Variants in TRIQK observed in about 807,000 individuals in gnomAD.
The protein encoded by TRIQK is triple QxxK/R motif-containing protein.
Under a neutral mutation model 10.8 loss-of-function variants are expected in TRIQK, and 10 were observed. The observed-to-expected ratio is 0.92, with a 90% confidence interval of 0.57 to 1.57. TRIQK has a LOEUF of 1.57. TRIQK is among the 40% of genes most tolerant of loss of function. The probability of loss-of-function intolerance (pLI) is 0.00; values close to 1 mark genes in which losing one functional copy is unlikely to be tolerated. For synonymous variants in TRIQK, 33 were observed against 33.7 expected (o/e 0.98, Z 0.07); for missense variants, 107 against 97.7 (o/e 1.09, Z -0.40).
chr8:93,000,599 C>T (rs898969604), intron 1 of TRIQK, among the ~76,000 whole-genome samples: 1 of 151,836 alleles, frequency 6.6e-6, no homozygotes, highest in Non-Finnish European at 1.5e-5. Flanking sequence ...GGGACACAAC[C>T]AAATCATATC....
At chr8:92,956,938 C>G (rs1195816180) in intron 1 of TRIQK, among the ~76,000 whole-genome samples, 1 of 151,854 alleles carries the variant, frequency 6.6e-6, no homozygotes, top group Non-Finnish European at 1.5e-5. Flanking sequence ...CTAGCAACTA[C>G]TGTGGCAAAC....
At chr8:92,931,372 T>C (rs758612238) in intron 2 of TRIQK, among the ~76,000 whole-genome samples, 4 of 152,168 alleles carry the variant, frequency 2.6e-5, no homozygotes, top group Non-Finnish European at 4.4e-5. Flanking sequence ...TTGGGAAGTC[T>C]ACTGAAAACC....
rs1586532885 is a variant in TRIQK at position 93,016,097 on chromosome 8, C to G, written c.-181+1512G>C. ...CATTGAAAACTGATGATCTTGAATG[C>G]TTCTTAGCAAAGATTTACTTGCAAA... is the stretch of plus-strand genomic sequence containing the variant. On this transcript the variant is annotated intron_variant, in intron 1 of 4. Coordinates refer to the TRIQK transcript ENST00000520686. 2.6e-5 allele frequency among the ~76,000 whole-genome samples: 4 copies of G among 152,236 alleles called. No individual in the cohort carries two copies. In the East Asian group the frequency reaches 7.7e-4, roughly 29 times the overall value.
chr8:92,969,299 A>G (rs531246227), upstream of TRIQK, among the ~76,000 whole-genome samples: 1 of 152,024 alleles, frequency 6.6e-6, no homozygotes, highest in Non-Finnish European at 1.5e-5. Flanking sequence ...CATATTTAGA[A>G]TTATGTTTCT....
intron 4 of TRIQK, among the ~76,000 whole-genome samples, chr8:92,889,157 C>T (rs1816635934): frequency 6.6e-6 from 1 of 151,594 alleles, no homozygotes; most frequent in African/African-American, 2.4e-5. Context: ...ATGGAAATTG[C>T]TAACTGTTCC....
chr8:92,990,527 A>G (rs1295137133), intron 1 of TRIQK, among the ~76,000 whole-genome samples: 1 of 152,108 alleles, frequency 6.6e-6, no homozygotes, highest in African/African-American at 2.4e-5. Flanking sequence ...AAGGCAGGTG[A>G]TTTCTGCATT....
chr8:92,991,937 C>A (rs971564193), intron 1 of TRIQK, among the ~76,000 whole-genome samples: 20 of 152,230 alleles, frequency 1.3e-4, no homozygotes, highest in African/African-American at 3.6e-4. Context: ...CCTAGGAATG[C>A]AACTTACAAG....
chr8:93,004,785 AG>A (rs1424289321), intron 1 of TRIQK, among the ~76,000 whole-genome samples: 1 of 152,226 alleles, frequency 6.6e-6, no homozygotes, highest in East Asian at 1.9e-4. Context: ...TCCCTACAGC[AG>A]GGGCACAATG....
chr8:92,941,405 C>T (rs2130610145), intron 2 of TRIQK: 1 of 152,000 alleles, frequency 6.6e-6, no homozygotes, highest in South Asian at 2.1e-4. Context: ...TTTCTTAAGA[C>T]AAATAAAAAC....
intron 1 of TRIQK, among the ~76,000 whole-genome samples, chr8:93,013,817 A>G (rs915927820): frequency 6.6e-6 from 1 of 152,178 alleles, no homozygotes; most frequent in Non-Finnish European, 1.5e-5. Context: ...ACAACCCACA[A>G]TAAGTCAGTA....
chr8:92,926,334 A>C (rs953263395), intron 2 of TRIQK: 1 of 152,196 alleles, frequency 6.6e-6, no homozygotes, highest in Non-Finnish European at 1.5e-5. Context: ...AAATACTTGA[A>C]AAAAATATTT....
At chr8:92,942,874 T>C (rs181897131) in intron 2 of TRIQK, among the ~76,000 whole-genome samples, 1 of 152,028 alleles carries the variant, frequency 6.6e-6, no homozygotes, top group Non-Finnish European at 1.5e-5. Flanking sequence ...TTTTGTATTT[T>C]AGTAAAGACA....
intron 3 of TRIQK, among the ~76,000 whole-genome samples, chr8:92,911,069 T>C (rs886302907): frequency 6.6e-6 from 1 of 151,328 alleles, no homozygotes; most frequent in Admixed American, 6.6e-5. Context: ...TATCAAAAAC[T>C]GATATCATAC....
At position 92,886,650 on chromosome 8, in the gene TRIQK, T is replaced by C; in HGVS notation, c.233A>G (p.Asp78Gly). ...ATCTTCATCTTGGTCCAGATCAGGGTCAACATCCGTGGTGAGTCTGAGATA... is the reference window on the plus strand; with the variant it reads ...ATCTTCATCTTGGTCCAGATCAGGGCCAACATCCGTGGTGAGTCTGAGATA... Reference protein sequence around the residue: ...FFYLRLTTDVDPDLDQDED With the variant: ...FFYLRLTTDVGPDLDQDED The change falls in exon 5 of 5, where the codon GAC (aspartate) becomes GGC (glycine). Residue 78 changes from aspartate to glycine, a missense_variant. By Grantham distance (94) the Asp-to-Gly change is moderately conservative (BLOSUM62 -1). Coordinates refer to ENST00000521988, the MANE Select transcript of TRIQK (RefSeq NM_001171797.2). 1 of 1,529,658 alleles carries C rather than the reference T, an allele frequency of 6.5e-7. No homozygotes were observed. Among genetic ancestry groups the C allele is most frequent in the South Asian group, 1.2e-5 (1 of 83,390 alleles). The allele number at this position is 1,529,658 out of a possible 1,614,324, so 94.8% of individuals were successfully genotyped here. A position where few individuals can be genotyped will look rare whatever the true frequency, so the allele number is the denominator to read the frequency against.
chr8:92,921,614 G>C (rs928143931), intron 2 of TRIQK: 1 of 151,810 alleles, frequency 6.6e-6, no homozygotes, highest in African/African-American at 2.4e-5. Flanking sequence ...ATGAATGACT[G>C]CATGGAGGAC....
At chr8:92,995,844 A>G (rs1813147457) in intron 1 of TRIQK, among the ~76,000 whole-genome samples, 1 of 152,020 alleles carries the variant, frequency 6.6e-6, no homozygotes, top group Non-Finnish European at 1.5e-5. Context: ...CTTTAGCATT[A>G]TCAATGTTTT....
chr8:92,971,847 C>G (rs947890020), intron 1 of TRIQK, among the ~76,000 whole-genome samples: 4 of 152,094 alleles, frequency 2.6e-5, no homozygotes, highest in Non-Finnish European at 4.4e-5. Flanking sequence ...CAAGACAATC[C>G]TAAATAAAAA....
At chr8:92,962,371 C>T (rs750222115) in intron 1 of TRIQK, among the ~76,000 whole-genome samples, 10 of 152,114 alleles carry the variant, frequency 6.6e-5, no homozygotes, top group Non-Finnish European at 2.9e-5. Context: ...GGCTGAGTTT[C>T]GCGTTTCTAC....
At chr8:93,016,433 T>G (rs1035474120) in intron 1 of TRIQK, among the ~76,000 whole-genome samples, 1 of 152,216 alleles carries the variant, frequency 6.6e-6, no homozygotes, top group Non-Finnish European at 1.5e-5. Context: ...TAACAACTAG[T>G]TTTCTAATCT....
Sources: gnomAD v4.1 joint callset for allele counts (sites outside exome capture counted in the v4.1 genomes callset) on GRCh38, gnomAD v4.1.1 for gene constraint, MANE v1.5 for transcripts, NCBI Gene and HGNC (gene_info 2026-07-23, HGNC 2026-07-21) for gene names.